SYCP1: variants seen among roughly 807,000 people sequenced by gnomAD.
SYCP1 encodes the protein cancer/testis antigen 8.
In SYCP1, 64 loss-of-function variants were observed where a neutral mutation model predicts 153.1. That is an observed-to-expected ratio of 0.42 (90% CI 0.34 to 0.51). The LOEUF is 0.51. SYCP1 is among the 20% of genes least tolerant of loss of function. SYCP1 has a pLI of 0.06. For synonymous variants in SYCP1, 384 were observed against 341.8 expected, an observed-to-expected ratio of 1.12 and a Z score of -1.36; for missense variants, 997 against 1,049.0, an observed-to-expected ratio of 0.95 and a Z score of 0.68.
At chr1:114,856,738 T>A in intron 3 of SYCP1, 81 bp downstream of exon 3, 1 of 1,040,116 alleles carries the variant, frequency 9.6e-7, no homozygotes, top group Non-Finnish European at 1.4e-6. Flanking sequence ...AAATGTAACA[T>A]AAGTATTATA....
At chr1:114,954,382 A>G (rs1470925763) in intron 27 of SYCP1, among the ~76,000 whole-genome samples, 1 of 152,004 alleles carries the variant, frequency 6.6e-6, no homozygotes, top group Non-Finnish European at 1.5e-5. Flanking sequence ...TCCTGTGCCC[A>G]TGCTAAACTT....
At chr1:114,942,334 A>G (rs1670441445) in intron 23 of SYCP1, among the ~76,000 whole-genome samples, 1 of 152,038 alleles carries the variant, frequency 6.6e-6, no homozygotes, top group Admixed American at 6.6e-5. Flanking sequence ...GGATAATTTT[A>G]TATTAAAAAG....
chr1:114,992,531 C>T (rs12072728), intron 30 of SYCP1, among the ~76,000 whole-genome samples: 2,317 of 151,518 alleles, frequency 0.015, 55 homozygotes, highest in African/African-American at 0.053. Flanking sequence ...AGTGCCAAGA[C>T]CATTCAATGG....
intron 29 of SYCP1, among the ~76,000 whole-genome samples, chr1:114,983,474 A>G (rs982514167): frequency 2.0e-5 from 3 of 152,006 alleles, no homozygotes; most frequent in Non-Finnish European, 2.9e-5. Context: ...GTAATCAGCT[A>G]TCAGCCTTGT....
intron 27 of SYCP1, among the ~76,000 whole-genome samples, chr1:114,975,988 C>T (rs1000599952): frequency 6.6e-6 from 1 of 151,676 alleles, no homozygotes; most frequent in Non-Finnish European, 1.5e-5. Flanking sequence ...CATGGGCTCA[C>T]CATGAAGTAG....
At chr1:114,920,427 G>A (rs1249403394) in intron 20 of SYCP1, among the ~76,000 whole-genome samples, 1 of 152,086 alleles carries the variant, frequency 6.6e-6, no homozygotes, top group Non-Finnish European at 1.5e-5. Context: ...AATGTTCCAT[G>A]TGCTTAGGAG....
At chr1:114,967,646 C>T (rs923656682) in intron 27 of SYCP1, among the ~76,000 whole-genome samples, 69 of 152,166 alleles carry the variant, frequency 4.5e-4, no homozygotes, top group African/African-American at 1.5e-3. Context: ...CTGTGCCAGT[C>T]TGTGTCTTTT....
In SYCP1 at chr1:114,917,126, C is replaced by T. The variant is rs775159035; in HGVS notation, c.1718+3081C>T. On this transcript the variant is annotated intron_variant, in intron 20 of 31. Coordinates refer to ENST00000369522, the MANE Select transcript of SYCP1 (RefSeq NM_003176.4). Reference sequence around the variant, plus strand: ...TATTTTTTGTACTCATTAACCATCTCCATTTCCTCCTATCACCACTACTCT... The same window carrying T: ...TATTTTTTGTACTCATTAACCATCTTCATTTCCTCCTATCACCACTACTCT... 3.0e-4 allele frequency among the ~76,000 whole-genome samples: 46 copies of T among 152,026 alleles called. 1 individual carries two copies. The highest frequency in any genetic ancestry group is 7.4e-5 in the Non-Finnish European group (5 of 67,976).
At chr1:114,938,762 A>G (rs746863797) in intron 23 of SYCP1, among the ~76,000 whole-genome samples, 41 of 152,174 alleles carry the variant, frequency 2.7e-4, no homozygotes, top group Non-Finnish European at 2.8e-4. Context: ...AAGGACTTGA[A>G]TAGATATTTC....
chr1:114,914,169 A>G, intron 20 of SYCP1, 124 bp downstream of exon 20: 1 of 672,822 alleles, frequency 1.5e-6, no homozygotes, highest in Non-Finnish European at 2.3e-6. Context: ...AAAATTAGAT[A>G]TAAATCACTG....
At chr1:114,963,394 C>T (rs895502328) in intron 27 of SYCP1, among the ~76,000 whole-genome samples, 7 of 152,062 alleles carry the variant, frequency 4.6e-5, no homozygotes, top group Non-Finnish European at 8.8e-5. Flanking sequence ...TTTTATTATA[C>T]TTTAAATTCT....
intron 8 of SYCP1, among the ~76,000 whole-genome samples, chr1:114,862,631 G>T (rs532998046): frequency 1.3e-5 from 2 of 152,218 alleles, no homozygotes; most frequent in East Asian, 1.9e-4. Context: ...GAGCCACTGC[G>T]CTGGGCGATA....
chr1:114,923,715 C>T (rs1408137617), intron 21 of SYCP1, 185 bp downstream of exon 21: 13 of 438,250 alleles, frequency 3.0e-5, no homozygotes, highest in South Asian at 6.9e-5. Context: ...ATATCTATAT[C>T]TAGAAGAAAT....
chr1:114,920,856 T>C (rs1342320892), intron 20 of SYCP1, among the ~76,000 whole-genome samples: 1 of 152,140 alleles, frequency 6.6e-6, no homozygotes, highest in Non-Finnish European at 1.5e-5. Context: ...ATATTTTCAG[T>C]CTCTGTGTAT....
At chr1:114,994,851 T>C (rs915861543) in intron 31 of SYCP1, 31 bp from the exon 32 acceptor site, 1 of 1,575,352 alleles carries the variant, frequency 6.3e-7, no homozygotes, top group Non-Finnish European at 8.6e-7. Flanking sequence ...ATTAAACATG[T>C]TATGATTTTT....
chr1:114,965,972 C>G (rs1672103675), intron 27 of SYCP1, among the ~76,000 whole-genome samples: 2 of 152,222 alleles, frequency 1.3e-5, no homozygotes, highest in East Asian at 3.9e-4. Context: ...CCATCTGGTC[C>G]TGGGCTTTTT....
chr1:114,936,583 T>G (rs1039182578), intron 23 of SYCP1, among the ~76,000 whole-genome samples: 1 of 152,158 alleles, frequency 6.6e-6, no homozygotes, highest in East Asian at 1.9e-4. Context: ...AAATAAAGGC[T>G]ATTCAATTAG....
At chr1:114,892,469 C>T (rs934843338) in intron 15 of SYCP1, among the ~76,000 whole-genome samples, 32 of 152,242 alleles carry the variant, frequency 2.1e-4, no homozygotes, top group Admixed American at 1.2e-3. Flanking sequence ...CATGTGACCC[C>T]GCTGCTGGGG....
At chr1:114,918,604 G>C (rs1373927491) in intron 20 of SYCP1, among the ~76,000 whole-genome samples, 1 of 152,014 alleles carries the variant, frequency 6.6e-6, no homozygotes, top group Non-Finnish European at 1.5e-5. Flanking sequence ...TAACAGTATT[G>C]ATTGTTCCAG....
Sources: allele counts gnomAD v4.1 joint callset (sites outside exome capture counted in the v4.1 genomes callset), GRCh38; gene constraint gnomAD v4.1.1; transcripts MANE v1.5; gene names NCBI Gene and HGNC (gene_info 2026-07-23, HGNC 2026-07-21).